FOXO1: variants seen among roughly 807,000 people sequenced by gnomAD.
FOXO1 encodes forkhead box O1.
FOXO1 carries 6 observed loss-of-function variants against 44.1 expected under a neutral mutation model. That is an observed-to-expected ratio of 0.14 (90% CI 0.07 to 0.27). The LOEUF (loss-of-function observed/expected upper bound fraction) is 0.27. Among genes scored for constraint, FOXO1 ranks in the 10% least tolerant of loss-of-function variants. The pLI, the probability that FOXO1 is intolerant of heterozygous loss-of-function variation, is 1.00. For missense variants in FOXO1, 737 were observed against 888.8 expected (o/e 0.83, Z 2.17); for synonymous variants, 380 against 362.7 (o/e 1.05, Z -0.54).
At chr13:40,655,845 T>C (rs1384295448) in intron 1 of FOXO1, among the ~76,000 whole-genome samples, 1 of 152,034 alleles carries the variant, frequency 6.6e-6, no homozygotes, top group African/African-American at 2.4e-5. Context: ...GATTTCACTA[T>C]ATTGGCCAGG....
At chr13:40,566,821 A>AC (rs1422917690) in intron 1 of FOXO1, among the ~76,000 whole-genome samples, 1 of 152,228 alleles carries the variant, frequency 6.6e-6, no homozygotes, top group Non-Finnish European at 1.5e-5. Flanking sequence ...CCATTTACAG[A>AC]CCACTAGTCA....
chr13:40,640,301 G>T (rs1877304866), intron 1 of FOXO1, among the ~76,000 whole-genome samples: 1 of 152,228 alleles, frequency 6.6e-6, no homozygotes, highest in Admixed American at 6.5e-5. Context: ...GAGGGACGAT[G>T]AACATTATTT....
At chr13:40,583,527 T>C (rs765715549) in intron 1 of FOXO1, among the ~76,000 whole-genome samples, 4 of 152,218 alleles carry the variant, frequency 2.6e-5, no homozygotes, top group Non-Finnish European at 5.9e-5. Context: ...CTTATCTACA[T>C]CTTCTGGATA....
intron 1 of FOXO1, among the ~76,000 whole-genome samples, chr13:40,576,339 A>G (rs1466097701): frequency 6.6e-5 from 10 of 152,170 alleles, no homozygotes; most frequent in Admixed American, 6.5e-4. Flanking sequence ...AGGACAACAG[A>G]GTAAAGTTAT....
intron 1 of FOXO1, among the ~76,000 whole-genome samples, chr13:40,568,686 G>T (rs940284900): frequency 6.6e-6 from 1 of 152,058 alleles, no homozygotes; most frequent in African/African-American, 2.4e-5. Context: ...CTTCCATAAG[G>T]CTGGTTCATT....
At chr13:40,597,131 C>CA (rs1875609586) in intron 1 of FOXO1, among the ~76,000 whole-genome samples, 1 of 152,172 alleles carries the variant, frequency 6.6e-6, no homozygotes, top group African/African-American at 2.4e-5. Flanking sequence ...TTACTAAAAG[C>CA]AAAAAACTAC....
At chr13:40,664,059 G>A (rs1053769073) in intron 1 of FOXO1, among the ~76,000 whole-genome samples, 2 of 152,236 alleles carry the variant, frequency 1.3e-5, no homozygotes, top group Non-Finnish European at 2.9e-5. Context: ...CCGATCACGA[G>A]GTCAGGAGAT....
At chr13:40,589,367 G>T (rs1047528621) in intron 1 of FOXO1, among the ~76,000 whole-genome samples, 1 of 152,136 alleles carries the variant, frequency 6.6e-6, no homozygotes, top group African/African-American at 2.4e-5. Flanking sequence ...ACTCTCACAT[G>T]AGTACAGTCT....
intron 1 of FOXO1, among the ~76,000 whole-genome samples, chr13:40,571,033 C>G (rs536300316): frequency 6.6e-6 from 1 of 152,152 alleles, no homozygotes; most frequent in African/African-American, 2.4e-5. Flanking sequence ...CACTGTCATA[C>G]GCTTGGGTTT....
intron 1 of FOXO1, among the ~76,000 whole-genome samples, chr13:40,653,506 A>AC (rs1429099459): frequency 6.6e-6 from 1 of 152,208 alleles, no homozygotes; most frequent in African/African-American, 2.4e-5. Context: ...CACTGAGGAG[A>AC]CAAAGCCCAG....
At chr13:40,604,618 A>G (rs920215238) in intron 1 of FOXO1, among the ~76,000 whole-genome samples, 2 of 152,158 alleles carry the variant, frequency 1.3e-5, no homozygotes, top group Non-Finnish European at 1.5e-5. Context: ...AGGTGATGCT[A>G]CTTCATCACA....
intron 1 of FOXO1, among the ~76,000 whole-genome samples, chr13:40,583,794 T>C (rs185909107): frequency 6.4e-4 from 97 of 152,372 alleles, no homozygotes; most frequent in African/African-American, 2.2e-3. Flanking sequence ...TTTGCTTTCT[T>C]ATAATTTGTG....
At chr13:40,660,948 AAAC>A (rs138057018) in intron 1 of FOXO1, among the ~76,000 whole-genome samples, 9,446 of 149,346 alleles carry the variant, frequency 0.063, 328 homozygotes, top group Middle Eastern at 0.071. Context: ...TGGCTCAGAA[AAAC>A]AACAACAACA....
At chr13:40,573,553 T>G (rs758246497) in intron 1 of FOXO1, among the ~76,000 whole-genome samples, 15 of 152,224 alleles carry the variant, frequency 9.9e-5, no homozygotes, top group Non-Finnish European at 1.5e-4. Flanking sequence ...CCTTACCATA[T>G]GGACAGTGTT....
chr13:40,664,904 C>T (rs867213511), intron 1 of FOXO1, among the ~76,000 whole-genome samples: 55 of 151,924 alleles, frequency 3.6e-4, no homozygotes, highest in Non-Finnish European at 3.5e-4. Flanking sequence ...GCCGGCGCTC[C>T]GCAGGCGGTG....
At chr13:40,639,108 C>T (rs1275525615) in intron 1 of FOXO1, among the ~76,000 whole-genome samples, 1 of 151,988 alleles carries the variant, frequency 6.6e-6, no homozygotes, top group Non-Finnish European at 1.5e-5. Flanking sequence ...GCAGGAGAAT[C>T]GCTTGAACCC....
At chr13:40,594,609 G>C (rs1011879192) in intron 1 of FOXO1, among the ~76,000 whole-genome samples, 3 of 152,222 alleles carry the variant, frequency 2.0e-5, no homozygotes, top group African/African-American at 2.4e-5. Context: ...AAGAGCACAA[G>C]ATGAAGGCAG....
In FOXO1 at chr13:40,576,040, G is replaced by A. The variant is rs140356839; in HGVS notation, c.631-15180C>T. 7.7e-3 allele frequency among the ~76,000 whole-genome samples: 1,177 copies of A among 152,308 alleles called. 12 individuals carry two copies. The highest frequency in any genetic ancestry group is 0.013 in the Non-Finnish European group (856 of 68,022). ...GAGTGCTCTTGGATAAATGGCTTGC[G>A]ATCTTTGGGCTTGGTTCCCTTGTCT... is the stretch of plus-strand genomic sequence containing the variant. On this transcript the variant is annotated intron_variant, in intron 1 of 2. Transcript: ENST00000379561.
intron 1 of FOXO1, among the ~76,000 whole-genome samples, chr13:40,627,789 C>T (rs1050441339): frequency 1.3e-4 from 20 of 150,886 alleles, no homozygotes; most frequent in African/African-American, 4.6e-4. Context: ...GCCAAGATCG[C>T]GCCATTGCAC....
Sources: gnomAD v4.1 joint callset for allele counts (sites outside exome capture counted in the v4.1 genomes callset) on GRCh38, gnomAD v4.1.1 for gene constraint, MANE v1.5 for transcripts, NCBI Gene and HGNC (gene_info 2026-07-23, HGNC 2026-07-21) for gene names.